Variants in INTS6 observed in about 807,000 individuals in gnomAD.
INTS6 encodes DEAD box protein.
In INTS6, 16 loss-of-function variants were observed where a neutral mutation model predicts 104.9. The observed-to-expected ratio is 0.15, with a 90% confidence interval of 0.10 to 0.23. INTS6 has a LOEUF of 0.23. Ranked by LOEUF, INTS6 falls within the 10% of genes least tolerant of loss-of-function variation. INTS6 has a pLI of 1.00. For missense variants in INTS6, 584 were observed against 1,062.8 expected (o/e 0.55, Z 6.26); for synonymous variants, 324 against 358.7 (o/e 0.90, Z 1.09).
chr13:51,413,200 A>AG (rs1309335963), intron 4 of INTS6, among the ~76,000 whole-genome samples: 2 of 152,280 alleles, frequency 1.3e-5, no homozygotes, highest in East Asian at 3.9e-4. Flanking sequence ...ATAAGAAAAA[A>AG]GTTTTTTTTT....
chr13:51,384,419 T>G (rs1034599308), intron 7 of INTS6: 1 of 278,662 alleles, frequency 3.6e-6, no homozygotes, highest in Non-Finnish European at 7.1e-6. Flanking sequence ...GTGAACAAAA[T>G]GAGCTATGAG....
At chr13:51,403,064 T>C (rs1956468657) in intron 4 of INTS6, among the ~76,000 whole-genome samples, 1 of 152,198 alleles carries the variant, frequency 6.6e-6, no homozygotes, top group Admixed American at 6.5e-5. Flanking sequence ...AAAGCTATTA[T>C]AAAATCTCAG....
At chr13:51,384,202 T>C (rs939773005) in intron 7 of INTS6, 1 of 159,342 alleles carries the variant, frequency 6.3e-6, no homozygotes, top group Non-Finnish European at 1.4e-5. Context: ...CAAAATGGTA[T>C]GAAAATAGGA....
In INTS6 at chr13:51,364,775, CT is replaced by C. The variant is rs1340907106; in HGVS notation, c.*976del. On this transcript the variant is annotated 3_prime_UTR_variant, in exon 18 of 18. Transcript: ENST00000311234. ...AAGGAGGCCTCCAATTTGTTGTGGG[CT>C]TTTGCAAGCATGGCATGAAGCTGCT... 1 of 152,518 alleles carries C rather than the reference CT, an allele frequency of 6.6e-6. No homozygotes were observed. Among genetic ancestry groups the C allele is most frequent in the Non-Finnish European group, 1.5e-5 (1 of 68,218 alleles). 9.4% of individuals were successfully genotyped at this position (152,518 alleles called of 1,614,324 possible).
chr13:51,451,305 G>C (rs1593788413), intron 2 of INTS6, 131 bp from the exon 3 acceptor site: 1 of 563,104 alleles, frequency 1.8e-6, no homozygotes, highest in East Asian at 3.4e-5. Flanking sequence ...TGTTAATACT[G>C]TACCGCTGCT....
intron 7 of INTS6, among the ~76,000 whole-genome samples, chr13:51,386,557 A>G (rs1224019147): frequency 6.6e-6 from 1 of 152,172 alleles, no homozygotes; most frequent in Non-Finnish European, 1.5e-5. Flanking sequence ...AGGAAATATC[A>G]CTTTATAAAC....
At chr13:51,339,239 T>C in the INTS6 span, 3 of 152,354 alleles carry the variant, frequency 2.0e-5, no homozygotes, top group African/African-American at 4.8e-5. Context: ...GTTTTCTCTT[T>C]TGCAGAATTT....
the INTS6 span, among the ~76,000 whole-genome samples, chr13:51,341,535 T>C: frequency 6.6e-6 from 1 of 152,336 alleles, no homozygotes; most frequent in Admixed American, 6.5e-5. Context: ...CAGCTCCCTA[T>C]GGTGTGCACA....
At chr13:51,390,828 A>G (rs1258029179) in intron 5 of INTS6, among the ~76,000 whole-genome samples, 3 of 152,106 alleles carry the variant, frequency 2.0e-5, no homozygotes, top group Admixed American at 2.0e-4. Context: ...CTGAGTATCT[A>G]CGTGCCTGGC....
intron 2 of INTS6, chr13:51,451,453 A>G: frequency 4.9e-6 from 1 of 203,046 alleles, no homozygotes; most frequent in African/African-American, 2.3e-5. Flanking sequence ...GGGTATGTGA[A>G]GGTACTAGTG....
At chr13:51,442,197 T>C (rs1952811379) in intron 3 of INTS6, 2 of 149,944 alleles carry the variant, frequency 1.3e-5, no homozygotes, top group Admixed American at 1.3e-4. Flanking sequence ...TGGAGTGCAA[T>C]GGCGCAATCT....
intron 4 of INTS6, among the ~76,000 whole-genome samples, chr13:51,421,525 T>C (rs891836271): frequency 5.3e-5 from 8 of 152,160 alleles, no homozygotes; most frequent in African/African-American, 1.9e-4. Context: ...AGGTTATTCC[T>C]AATATAAAAG....
Position 51,452,870 on chromosome 13 carries a change from C to T in INTS6, c.-345G>A. 2.6e-6 allele frequency: 3 copies of T among 1,133,172 alleles called. No individual in the cohort carries two copies. The highest frequency in any genetic ancestry group is 1.8e-4 in the East Asian group (2 of 11,106). The allele number at this position is 1,133,172 out of a possible 1,614,324, so 70.2% of individuals were successfully genotyped here. On this transcript the variant is annotated 5_prime_UTR_variant, in exon 1 of 18. Coordinates refer to ENST00000311234, the MANE Select transcript of INTS6 (RefSeq NM_012141.3). This position sits in a 1 kb window ranked among gnomAD's most constrained non-coding sequence, Gnocchi z 4.2. ...TGTGTGTGTCCCAGCGGGAGACGGG[C>T]CTGGCTCCCCACCCCACCCCCGGTA...
intron 3 of INTS6, chr13:51,447,763 T>C (rs1173704616): frequency 2.6e-5 from 3 of 113,416 alleles, no homozygotes; most frequent in African/African-American, 6.7e-5. Flanking sequence ...AAAAAGACAA[T>C]GTTGAAAATA....
chr13:51,415,643 G>A (rs1956774923), intron 4 of INTS6, among the ~76,000 whole-genome samples: 1 of 133,696 alleles, frequency 7.5e-6, no homozygotes, highest in South Asian at 2.3e-4. Context: ...AGAACTTTAA[G>A]TCCATTAAAC....
At chr13:51,397,473 G>A (rs1218318742) in intron 4 of INTS6, among the ~76,000 whole-genome samples, 2 of 152,108 alleles carry the variant, frequency 1.3e-5, no homozygotes, top group Non-Finnish European at 2.9e-5. Context: ...AAGAAATCTG[G>A]GCCAGCATAT....
At chr13:51,410,728 C>G (rs1956668916) in intron 4 of INTS6, among the ~76,000 whole-genome samples, 1 of 151,994 alleles carries the variant, frequency 6.6e-6, no homozygotes, top group Non-Finnish European at 1.5e-5. Context: ...TCAAAAGACA[C>G]TCTAAAATAT....
intron 9 of INTS6, among the ~76,000 whole-genome samples, chr13:51,382,790 T>C (rs900426596): frequency 3.9e-5 from 6 of 152,192 alleles, no homozygotes; most frequent in Non-Finnish European, 8.8e-5. Context: ...AAATGTAATA[T>C]CTTTGGCCGG....
chr13:51,405,606 C>T (rs187027396), intron 4 of INTS6, among the ~76,000 whole-genome samples: 31 of 152,094 alleles, frequency 2.0e-4, no homozygotes, highest in Middle Eastern at 3.4e-3. Flanking sequence ...CACAGTACTC[C>T]GAAGCACTCA....
Sources: gnomAD v4.1 joint callset for allele counts (sites outside exome capture counted in the v4.1 genomes callset) on GRCh38, gnomAD v4.1.1 for gene constraint, Gnocchi (gnomAD v3.1) non-coding constraint, MANE v1.5 for transcripts, NCBI Gene and HGNC (gene_info 2026-07-23, HGNC 2026-07-21) for gene names.